Variants in TIA1 observed in about 807,000 individuals in gnomAD.
TIA1 encodes the protein TIA1 cytotoxic granule associated RNA binding protein.
Under a neutral mutation model 65.9 loss-of-function variants are expected in TIA1, and 23 were observed. The ratio of observed to expected loss-of-function variants is 0.35; its 90% CI spans 0.25 to 0.49. The LOEUF is 0.49. TIA1 is among the 20% of genes least tolerant of loss of function. The pLI is 0.98. For synonymous variants in TIA1, 147 were observed against 149.4 expected, an observed-to-expected ratio of 0.98 and a Z score of 0.12; for missense variants, 371 against 477.9, an observed-to-expected ratio of 0.78 and a Z score of 2.09.
Position 70,224,585 on chromosome 2 carries a change from C to A in TIA1, c.443G>T (p.Gly148Val). ...GTTGAAAAAGGAGACAAAGCCATAT[C>A]CCTTAGACTTTCCTGTTGCCATGTC... ...VKDMATGKSKGYGFVSFFNKW... is the reference protein window; with the variant it reads ...VKDMATGKSKVYGFVSFFNKW... Residue 148 changes from glycine (G) to valine (V), a missense_variant, in exon 7 of 13, where the codon GGA becomes GTA. Gly to Val is a moderately radical substitution (Grantham distance 109). Transcript: ENST00000433529. 1 of 1,614,044 alleles carries A rather than the reference C, an allele frequency of 6.2e-7. No homozygotes were observed. The highest frequency in any genetic ancestry group is 8.5e-7 in the Non-Finnish European group (1 of 1,179,986).
intron 1 of TIA1, among the ~76,000 whole-genome samples, chr2:70,244,842 A>T (rs1693580698): frequency 6.8e-6 from 1 of 147,742 alleles, no homozygotes; most frequent in African/African-American, 2.6e-5. Context: ...CTCAAAAAAA[A>T]AAAAAAAAAA....
At chr2:70,213,032 G>A (rs1343361498) in intron 12 of TIA1, among the ~76,000 whole-genome samples, 187 bp from the exon 13 acceptor site, 1 of 152,148 alleles carries the variant, frequency 6.6e-6, no homozygotes, top group Non-Finnish European at 1.5e-5. Flanking sequence ...TTAAAAACAA[G>A]CATCCCTGTA....
At chr2:70,233,160 G>A (rs910420060) in intron 2 of TIA1, among the ~76,000 whole-genome samples, 2 of 152,040 alleles carry the variant, frequency 1.3e-5, no homozygotes, top group African/African-American at 4.8e-5. Flanking sequence ...TTTTAGAGAT[G>A]TGGTCTTGTT....
intron 1 of TIA1, among the ~76,000 whole-genome samples, chr2:70,238,053 C>T (rs182692569): frequency 1.5e-4 from 22 of 149,786 alleles, no homozygotes; most frequent in African/African-American, 5.1e-4. Context: ...CCCGGCTACT[C>T]GGGAGGCTGA....
rs1420542082 is a variant in TIA1 at position 70,216,963 on chromosome 2, C to T, written c.506G>A (p.Gly169Asp). The T allele has an allele frequency of 1.2e-6, 2 of 1,613,484 alleles. No homozygotes were observed. The highest frequency in any genetic ancestry group is 1.7e-6 in the Non-Finnish European group (2 of 1,179,700). ...DAENAIQQMG[G>D]QWLGGRQIRT... ...GATTTGTCTTCCACCAAGCCACTGG[C>T]CACCCATCTGTTGAATGGCGTTTTC... The change falls in exon 8 of 13, where the codon GGC (glycine) becomes GAC (aspartate). Residue 169 changes from glycine (G) to aspartate (D), a missense_variant. Coordinates refer to ENST00000433529, the MANE Select transcript of TIA1 (RefSeq NM_022173.4).
intron 6 of TIA1, chr2:70,225,360 G>A (rs1356395448): frequency 4.7e-6 from 6 of 1,288,228 alleles, no homozygotes; most frequent in African/African-American, 1.5e-5. Context: ...CTTGTAGTTA[G>A]CCAGGGCAAT....
intron 5 of TIA1, chr2:70,228,257 TG>T: frequency 9.3e-7 from 1 of 1,071,290 alleles, no homozygotes; most frequent in Non-Finnish European, 1.2e-6. Flanking sequence ...AGACTAGATT[TG>T]CCTCAGTTAA....
chr2:70,236,693 C>T (rs561925084), intron 1 of TIA1, among the ~76,000 whole-genome samples: 1 of 152,034 alleles, frequency 6.6e-6, no homozygotes, highest in African/African-American at 2.4e-5. Flanking sequence ...GTGGCGCAAT[C>T]TTGGCTCACT....
chr2:70,218,156 A>T (rs1679494927), intron 7 of TIA1, among the ~76,000 whole-genome samples: 1 of 152,230 alleles, frequency 6.6e-6, no homozygotes, highest in Non-Finnish European at 1.5e-5. Context: ...GGGCACAAGG[A>T]TCTACTACAG....
intron 2 of TIA1, among the ~76,000 whole-genome samples, chr2:70,232,163 T>A (rs1197631776): frequency 1.4e-5 from 2 of 140,380 alleles, no homozygotes; most frequent in Non-Finnish European, 1.5e-5. Flanking sequence ...GAGCCGAGAT[T>A]GCACCACTGC....
intron 10 of TIA1, chr2:70,215,784 G>A: frequency 3.1e-6 from 1 of 327,354 alleles, no homozygotes; most frequent in East Asian, 8.0e-5. Context: ...GTCTGGCTCT[G>A]TTGCCCATGC....
chr2:70,216,574 A>C, intron 8 of TIA1, 75 bp from the exon 9 acceptor site: 1 of 1,414,776 alleles, frequency 7.1e-7, no homozygotes, highest in Non-Finnish European at 9.8e-7. Context: ...CATTCACTAC[A>C]CTACTGTAAA....
At chr2:70,219,031 G>A (rs1377186186) in intron 7 of TIA1, among the ~76,000 whole-genome samples, 1 of 152,130 alleles carries the variant, frequency 6.6e-6, no homozygotes, top group Non-Finnish European at 1.5e-5. Context: ...CAGGTCTGAG[G>A]AAGAAACAAA....
intron 11 of TIA1, 106 bp downstream of exon 11, chr2:70,215,265 C>T: frequency 1.4e-6 from 2 of 1,443,872 alleles, no homozygotes; most frequent in Admixed American, 1.8e-5. Flanking sequence ...CCCTTATATA[C>T]TATCATTTTA....
At chr2:70,235,283 C>T (rs1389347078) in intron 2 of TIA1, among the ~76,000 whole-genome samples, 2 of 152,086 alleles carry the variant, frequency 1.3e-5, no homozygotes, top group East Asian at 1.9e-4. Context: ...GGTGTAGTGG[C>T]GCATGCCTGT....
intron 7 of TIA1, among the ~76,000 whole-genome samples, chr2:70,222,840 G>A (rs1428766367): frequency 6.6e-6 from 1 of 152,222 alleles, no homozygotes; most frequent in African/African-American, 2.4e-5. Flanking sequence ...CTTGAACCCA[G>A]GAGATGGAGG....
rs572040943 is a variant in TIA1 at position 70,218,330 on chromosome 2, T to C, written c.475-1336A>G. On this transcript the variant is annotated intron_variant, in intron 7 of 12. Coordinates refer to ENST00000433529, the MANE Select transcript of TIA1 (RefSeq NM_022173.4). ...GTTTGGTATGCATCTGAAAGCAGCA[T>C]GTGAAAGACTAGTTTCAGTGGAATC... 6.6e-5 allele frequency among the ~76,000 whole-genome samples: 10 copies of C among 152,332 alleles called. No homozygotes were observed. In the South Asian group the frequency reaches 1.7e-3, roughly 25 times the overall value.
chr2:70,237,928 G>A (rs1043680001), intron 1 of TIA1, among the ~76,000 whole-genome samples: 4 of 151,988 alleles, frequency 2.6e-5, no homozygotes, highest in South Asian at 4.1e-4. Context: ...TTGGGAGGCC[G>A]AGGTGGGCGG....
intron 7 of TIA1, among the ~76,000 whole-genome samples, chr2:70,221,653 G>A (rs1480382042): frequency 7.2e-5 from 11 of 152,070 alleles, no homozygotes; most frequent in Non-Finnish European, 1.5e-4. Flanking sequence ...CTGGCAGGAG[G>A]GGCATGAAAG....
Sources: allele counts gnomAD v4.1 joint callset (sites outside exome capture counted in the v4.1 genomes callset), GRCh38; gene constraint gnomAD v4.1.1; transcripts MANE v1.5; gene names NCBI Gene and HGNC (gene_info 2026-07-23, HGNC 2026-07-21).